The following TEX29 variants were observed in gnomAD, a reference collection of about 807,000 sequenced individuals.
TEX29 encodes the protein testis-expressed protein 29.
In TEX29, 26 loss-of-function variants were observed where a neutral mutation model predicts 18.2. The observed-to-expected ratio is 1.43, with a 90% CI of 1.04 to 1.98. The LOEUF (loss-of-function observed/expected upper bound fraction) is 1.98. Ranked by LOEUF, TEX29 falls within the 30% of genes most tolerant of loss-of-function variation. The pLI, the probability that TEX29 is intolerant of heterozygous loss-of-function variation, is 0.00. For synonymous variants in TEX29, 83 were observed against 78.5 expected (o/e 1.06, Z -0.31); for missense variants, 177 against 194.2 (o/e 0.91, Z 0.53).
intron 3 of TEX29, among the ~76,000 whole-genome samples, chr13:111,333,629 A>C (rs1438806816): frequency 6.6e-6 from 1 of 152,252 alleles, no homozygotes; most frequent in Admixed American, 6.5e-5. Flanking sequence ...TTACACTGCT[A>C]TAAAGAACTA....
rs111680027 is a variant in TEX29, at chr13:111,344,221, G to A, written c.*98G>A. The A allele has an allele frequency of 8.1e-3, 8,180 of 1,009,410 alleles. 214 individuals carry two copies. The highest frequency in any genetic ancestry group is 0.079 in the African/African-American group (4,805 of 60,760). 62.5% of individuals were successfully genotyped at this position (1,009,410 alleles called of 1,614,324 possible). On this transcript the variant is annotated 3_prime_UTR_variant, in exon 6 of 6. Transcript: ENST00000283547. ...GTGTGATGGAATGACCACCCAAAGA[G>A]AAAAAAATAAAGGTATTTTGAAAAT...
intron 3 of TEX29, among the ~76,000 whole-genome samples, chr13:111,336,244 G>A (rs1372234192): frequency 1.3e-5 from 2 of 152,228 alleles, no homozygotes; most frequent in African/African-American, 2.4e-5. Context: ...GGGCCTGTAG[G>A]AAGAGCCTGG....
chr13:111,339,738 G>C, intron 3 of TEX29, 125 bp from the exon 4 acceptor site: 1 of 841,588 alleles, frequency 1.2e-6, no homozygotes, highest in Non-Finnish European at 2.0e-6. Context: ...TGGGTGAGGA[G>C]TGCTGACCAT....
rs576727611 is a variant in TEX29 at position 111,326,823 on chromosome 13, T to C, written c.59-1360T>C. Among the ~76,000 whole-genome samples the C allele has an allele frequency of 3.3e-5, 5 of 152,216 alleles. No homozygotes were observed. In the East Asian group the frequency reaches 9.7e-4, roughly 29 times the overall value. ...AGGCAGTGGCGGACTCTGTGGGTAG[T>C]GTTTGTGAAGTTCTGGCGCTGTGTC... On this transcript the variant is annotated intron_variant, in intron 2 of 5. Transcript: ENST00000283547.
chr13:111,319,050 T>TG (rs560327209), upstream of TEX29, among the ~76,000 whole-genome samples: 1 of 152,114 alleles, frequency 6.6e-6, no homozygotes, highest in Non-Finnish European at 1.5e-5. Flanking sequence ...GCCTCTTTAA[T>TG]GGGGGCACGA....
At chr13:111,336,308 C>A (rs1466239545) in intron 3 of TEX29, among the ~76,000 whole-genome samples, 1 of 152,186 alleles carries the variant, frequency 6.6e-6, no homozygotes, top group Admixed American at 6.5e-5. Flanking sequence ...CTTTTCATTT[C>A]TTTGACATCT....
intron 4 of TEX29, 32 bp downstream of exon 4, chr13:111,339,964 G>C: frequency 1.3e-6 from 2 of 1,536,110 alleles, no homozygotes; most frequent in African/African-American, 2.8e-5. Flanking sequence ...TGGGAGGGTG[G>C]GGAGGAGGGG....
At chr13:111,319,613 C>T (rs375450401), upstream of TEX29, among the ~76,000 whole-genome samples, 34 of 152,256 alleles carry the variant, frequency 2.2e-4, no homozygotes, top group African/African-American at 6.3e-4. Flanking sequence ...ACATCCAAGC[C>T]GTCCGCCACT....
intron 3 of TEX29, among the ~76,000 whole-genome samples, chr13:111,328,681 G>A (rs1360319795): frequency 6.6e-6 from 1 of 152,228 alleles, no homozygotes; most frequent in Admixed American, 6.5e-5. Context: ...GGTGTGGGGT[G>A]AGCCCATCAG....
chr13:111,325,229 G>T (rs2093670886), intron 2 of TEX29, among the ~76,000 whole-genome samples: 1 of 152,234 alleles, frequency 6.6e-6, no homozygotes, highest in Admixed American at 6.5e-5. Context: ...CGTTCCCCTA[G>T]CCTGGCCCAG....
chr13:111,333,104 C>T (rs1394279870), intron 3 of TEX29, among the ~76,000 whole-genome samples: 1 of 152,166 alleles, frequency 6.6e-6, no homozygotes, highest in Non-Finnish European at 1.5e-5. Flanking sequence ...TGCTGTAAAT[C>T]TTAAGGCTCC....
chr13:111,320,894 G>A lies in TEX29; in HGVS notation c.4G>A (p.Glu2Lys), dbSNP rs764069976. MEYVLEVKNSPR... is the reference protein window; with the variant it reads MKYVLEVKNSPR... ...CCTTCATCTGTCAGCTGCAGCAATG[G>A]AATACGTGCTGGAAGTGAAGAACTC... The change falls in exon 2 of 6, where the codon GAA (glutamate) becomes AAA (lysine). Residue 2 changes from glutamate (E) to lysine (K), a missense_variant. Coordinates refer to ENST00000283547, the MANE Select transcript of TEX29 (RefSeq NM_152324.3). 1.5e-5 allele frequency: 24 copies of A among 1,583,872 alleles called. No homozygotes were observed. Among genetic ancestry groups the A allele is most frequent in the African/African-American group, 4.1e-5 (3 of 72,922 alleles).
intron 3 of TEX29, chr13:111,339,263 A>G (rs570324446): frequency 1.4e-4 from 63 of 455,216 alleles, no homozygotes; most frequent in South Asian, 5.6e-4. Context: ...GGATTTGTCT[A>G]TGATCCAATA....
Position 111,342,871 on chromosome 13 carries a change from G to A in TEX29, c.355G>A (p.Ala119Thr), listed in dbSNP as rs143852013. 147 of 1,614,206 alleles carry A rather than the reference G, an allele frequency of 9.1e-5. No individual in the cohort carries two copies. In the African/African-American group the frequency reaches 1.8e-3, roughly 20 times the overall value. Residue 119 changes from alanine to threonine, a missense_variant, in exon 5 of 6, where the codon GCG becomes ACG. By Grantham distance (58) the Ala-to-Thr change is moderately conservative (BLOSUM62 0). Transcript: ENST00000283547. ...CAGCAGCAAGTTAGGGCTGAAGCCT[G>A]CGAGTCCTGGGCCTCCAAGTGCTGG... ...SSSSKLGLKP[A>T]SPGPPSAGPS...
intron 2 of TEX29, among the ~76,000 whole-genome samples, chr13:111,325,740 T>G (rs550798573): frequency 6.6e-6 from 1 of 152,326 alleles, no homozygotes; most frequent in South Asian, 2.1e-4. Flanking sequence ...GCGGGAGGAC[T>G]GCCGGGATTC....
chr13:111,328,840 C>T (rs2093678372), intron 3 of TEX29, among the ~76,000 whole-genome samples: 1 of 152,168 alleles, frequency 6.6e-6, no homozygotes, highest in African/African-American at 2.4e-5. Flanking sequence ...GTGAGGACAA[C>T]AGGCAACCAG....
rs752622910 is a variant in TEX29, at chr13:111,344,086, C to G, written c.419C>G (p.Thr140Arg). The change falls in exon 6 of 6, where the codon ACA becomes AGA. Residue 140 changes from threonine (T) to arginine (R), a missense_variant. Physicochemically the swap from Thr to Arg is moderately conservative, Grantham distance 71. Transcript: ENST00000283547. Reference sequence around the variant, plus strand: ...TTCTTCTTTTCTAAAAATCTAGTAACAGGGACAATAACAGAAGCCGAAGAA... The same window carrying G: ...TTCTTCTTTTCTAAAAATCTAGTAAGAGGGACAATAACAGAAGCCGAAGAA... The part of the protein sequence containing the change: ...MKSDEDKDDV[T>R]GTITEAEETE... 1.2e-6 allele frequency: 2 copies of G among 1,611,272 alleles called. No homozygotes were observed. The highest frequency in any genetic ancestry group is 1.7e-6 in the Non-Finnish European group (2 of 1,178,154).
intron 3 of TEX29, among the ~76,000 whole-genome samples, chr13:111,338,892 A>G (rs147847325): frequency 6.6e-6 from 1 of 152,378 alleles, no homozygotes; most frequent in Non-Finnish European, 1.5e-5. Flanking sequence ...ATGCTCGTGT[A>G]CAAATGTTAG....
intron 2 of TEX29, among the ~76,000 whole-genome samples, chr13:111,321,259 A>G (rs1409053250): frequency 2.0e-5 from 3 of 152,246 alleles, no homozygotes; most frequent in Admixed American, 1.3e-4. Flanking sequence ...ATCCACTTCA[A>G]CTACTTCATA....
Sources: gnomAD v4.1 joint callset for allele counts (sites outside exome capture counted in the v4.1 genomes callset) on GRCh38, gnomAD v4.1.1 for gene constraint, MANE v1.5 for transcripts, NCBI Gene and HGNC (gene_info 2026-07-23, HGNC 2026-07-21) for gene names.